Variants in MYO16 observed in about 807,000 individuals in gnomAD.
The protein encoded by MYO16 is unconventional myosin-XVI.
MYO16 carries 94 observed loss-of-function variants against 205.3 expected under a neutral mutation model. That is an observed-to-expected ratio of 0.46 (90% CI 0.39 to 0.54). MYO16 has a LOEUF of 0.54. MYO16 is among the 20% of genes least tolerant of loss of function. MYO16 has a pLI of 0.00. For synonymous variants in MYO16, 988 were observed against 954.0 expected, an observed-to-expected ratio of 1.04 and a Z score of -0.66; for missense variants, 2,315 against 2,387.5, an observed-to-expected ratio of 0.97 and a Z score of 0.63.
At chr13:108,777,613 G>C (rs1886165128) in intron 4 of MYO16, among the ~76,000 whole-genome samples, 1 of 152,172 alleles carries the variant, frequency 6.6e-6, no homozygotes, top group South Asian at 2.1e-4. Flanking sequence ...ACCCACCACA[G>C]TGGGCAAGAA....
At chr13:108,690,542 TCTAA>T (rs1348873611) in intron 2 of MYO16, among the ~76,000 whole-genome samples, 2 of 151,824 alleles carry the variant, frequency 1.3e-5, no homozygotes, top group Non-Finnish European at 2.9e-5. Context: ...AATATAGATG[TCTAA>T]CTGACTTCCA....
the MYO16 span, among the ~76,000 whole-genome samples, chr13:108,557,244 A>AT: frequency 6.6e-6 from 1 of 152,010 alleles, no homozygotes; most frequent in Admixed American, 6.5e-5. Context: ...AACAATATTA[A>AT]TTTTTCCAAT....
chr13:109,048,967 A>AAT (rs1887145277), intron 24 of MYO16: 1 of 141,192 alleles, frequency 7.1e-6, no homozygotes, highest in Non-Finnish European at 1.6e-5. Context: ...GGAGGCAGAA[A>AAT]AAAAAAAAAA....
chr13:108,633,740 T>G (rs146940314), intron 1 of MYO16, among the ~76,000 whole-genome samples: 4 of 152,332 alleles, frequency 2.6e-5, no homozygotes, highest in African/African-American at 4.8e-5. Context: ...AACCCATTTT[T>G]TTCCTCAAGC....
At chr13:108,734,357 C>G (rs985868788) in intron 4 of MYO16, among the ~76,000 whole-genome samples, 7 of 152,128 alleles carry the variant, frequency 4.6e-5, no homozygotes, top group African/African-American at 1.7e-4. Context: ...CCCTTCTTCT[C>G]TAGAAAAATT....
intron 27 of MYO16, among the ~76,000 whole-genome samples, chr13:109,060,435 G>T (rs1887554924): frequency 6.6e-6 from 1 of 150,928 alleles, no homozygotes; most frequent in Non-Finnish European, 1.5e-5. Context: ...GTTGAACAAT[G>T]AAATCACATG....
intron 10 of MYO16, among the ~76,000 whole-genome samples, chr13:108,852,627 G>T (rs139301445): frequency 1.3e-5 from 2 of 152,256 alleles, no homozygotes; most frequent in East Asian, 3.9e-4. Context: ...TGAGAACAGC[G>T]CGGACAGACC....
At chr13:108,504,342 G>A in the MYO16 span, among the ~76,000 whole-genome samples, 2,720 of 151,938 alleles carry the variant, frequency 0.018, 81 homozygotes, top group African/African-American at 0.057. Flanking sequence ...GGCCAGGCTG[G>A]TCTTGAACCC....
At chr13:108,844,799 T>C (rs1877430516) in intron 10 of MYO16, among the ~76,000 whole-genome samples, 1 of 152,244 alleles carries the variant, frequency 6.6e-6, no homozygotes, top group African/African-American at 2.4e-5. Flanking sequence ...TTGATTTTTA[T>C]GTATTCTGTG....
chr13:108,838,263 T>A lies in MYO16; in HGVS notation c.1098-6080T>A, dbSNP rs1402433067. ...TGTTGTTGTGAAAATGAAAAAAAAA[T>A]TTAATACATGCAGCGTGTTTAGAAC... On this transcript the variant is annotated intron_variant, in intron 9 of 34. Transcript: ENST00000457511. Among the ~76,000 whole-genome samples, 6 of 152,006 alleles carry A rather than the reference T, an allele frequency of 3.9e-5. No homozygotes were observed. The East Asian group carries it at 1.2e-3, about 29-fold the overall frequency.
At chr13:109,020,761 A>G (rs1431406972) in intron 23 of MYO16, among the ~76,000 whole-genome samples, 2 of 152,162 alleles carry the variant, frequency 1.3e-5, no homozygotes, top group Admixed American at 1.3e-4. Flanking sequence ...CTTAGTACAG[A>G]TGGCGTGCTA....
At chr13:108,599,721 TTA>T (rs1878694965) in intron 1 of MYO16, among the ~76,000 whole-genome samples, 1 of 152,188 alleles carries the variant, frequency 6.6e-6, no homozygotes, top group Non-Finnish European at 1.5e-5. Flanking sequence ...CTGAAAATTT[TTA>T]TGATTCCTTT....
chr13:108,781,273 G>A (rs138155187), intron 4 of MYO16, among the ~76,000 whole-genome samples: 1 of 152,338 alleles, frequency 6.6e-6, no homozygotes, highest in East Asian at 1.9e-4. Flanking sequence ...TTAATTGATT[G>A]TTTAGCAGTC....
intron 16 of MYO16, among the ~76,000 whole-genome samples, chr13:108,950,932 G>A (rs1883122844): frequency 1.3e-5 from 2 of 152,178 alleles, no homozygotes; most frequent in African/African-American, 4.8e-5. Flanking sequence ...TTGATTCATA[G>A]TTTGGTAGAG....
At chr13:108,972,978 G>C (rs1035887745) in intron 20 of MYO16, among the ~76,000 whole-genome samples, 2 of 152,082 alleles carry the variant, frequency 1.3e-5, no homozygotes, top group African/African-American at 4.8e-5. Flanking sequence ...AGATGGGGAA[G>C]ATATTGGGAA....
chr13:108,683,724 C>T (rs1007277066), intron 2 of MYO16, among the ~76,000 whole-genome samples: 2 of 152,220 alleles, frequency 1.3e-5, no homozygotes, highest in Non-Finnish European at 2.9e-5. Context: ...CACAATTTTA[C>T]ATCCCATTTG....
intron 31 of MYO16, among the ~76,000 whole-genome samples, chr13:109,128,997 C>T (rs1876404265): frequency 6.6e-6 from 1 of 151,610 alleles, no homozygotes; most frequent in Admixed American, 6.6e-5. Context: ...GTCTTGAACT[C>T]CTGACCTCAA....
chr13:109,108,436 G>A (rs146391700), intron 28 of MYO16, among the ~76,000 whole-genome samples: 34 of 152,260 alleles, frequency 2.2e-4, no homozygotes, highest in African/African-American at 7.0e-4. Context: ...AGTACTATCT[G>A]GCACCTACTA....
intron 19 of MYO16, among the ~76,000 whole-genome samples, 181 bp downstream of exon 19, chr13:108,962,676 A>C (rs1883634710): frequency 6.6e-6 from 1 of 152,048 alleles, no homozygotes; most frequent in African/African-American, 2.4e-5. Context: ...TATGCTCCTG[A>C]GAGACCATTT....
Sources: gnomAD v4.1 joint callset for allele counts (sites outside exome capture counted in the v4.1 genomes callset) on GRCh38, gnomAD v4.1.1 for gene constraint, MANE v1.5 for transcripts, NCBI Gene and HGNC (gene_info 2026-07-23, HGNC 2026-07-21) for gene names.